The following MACC1 variants were observed in gnomAD, a reference collection of about 807,000 sequenced individuals.
MACC1 encodes metastasis-associated in colon cancer protein 1.
Under a neutral mutation model 70.7 loss-of-function variants are expected in MACC1, and 79 were observed. The observed-to-expected ratio is 1.12, with a 90% CI of 0.93 to 1.35. The LOEUF (loss-of-function observed/expected upper bound fraction) is 1.35. Among genes scored for constraint, MACC1 ranks in the 40% most tolerant of loss-of-function variants. The pLI is 0.00. For synonymous variants in MACC1, 361 were observed against 347.2 expected (o/e 1.04, Z -0.44); for missense variants, 1,106 against 978.1 (o/e 1.13, Z -1.74).
At chr7:20,209,367 T>C (rs1188975864) in intron 1 of MACC1, among the ~76,000 whole-genome samples, 2 of 152,224 alleles carry the variant, frequency 1.3e-5, no homozygotes, top group African/African-American at 4.8e-5. Context: ...CCCAAGGCCA[T>C]AGGAGCCCAC....
chr7:20,173,159 AG>A (rs377263163), intron 1 of MACC1, among the ~76,000 whole-genome samples: 37 of 152,360 alleles, frequency 2.4e-4, no homozygotes, highest in African/African-American at 8.4e-4. Context: ...TTTTATAAAA[AG>A]TTTCTGGGAG....
chr7:20,167,418 A>T (rs922926136), intron 2 of MACC1, among the ~76,000 whole-genome samples: 2 of 151,352 alleles, frequency 1.3e-5, no homozygotes, highest in African/African-American at 4.9e-5. Context: ...CTGGTCTCGA[A>T]CTCCTGAGCT....
intron 6 of MACC1, among the ~76,000 whole-genome samples, chr7:20,141,510 C>T (rs924546027): frequency 1.5e-4 from 23 of 151,582 alleles, no homozygotes; most frequent in Non-Finnish European, 2.9e-4. Context: ...ATTTGAGAGA[C>T]TTTTAGAGTT....
intron 1 of MACC1, among the ~76,000 whole-genome samples, chr7:20,209,015 G>C (rs1307723042): frequency 1.3e-5 from 2 of 152,248 alleles, no homozygotes; most frequent in Non-Finnish European, 2.9e-5. Context: ...CAGGTGGGCA[G>C]AGGTCAAGAA....
At chr7:20,165,831 T>C (rs1199892358) in intron 2 of MACC1, among the ~76,000 whole-genome samples, 1 of 152,218 alleles carries the variant, frequency 6.6e-6, no homozygotes, top group Admixed American at 6.5e-5. Context: ...TATGCTGATT[T>C]TGCATGATCC....
intron 6 of MACC1, among the ~76,000 whole-genome samples, chr7:20,142,243 C>T (rs959059016): frequency 2.0e-5 from 3 of 152,278 alleles, no homozygotes; most frequent in Non-Finnish European, 4.4e-5. Context: ...CCAATATCCT[C>T]ATATAGTCTA....
At chr7:20,192,835 T>C (rs1352684892) in intron 1 of MACC1, among the ~76,000 whole-genome samples, 1 of 152,166 alleles carries the variant, frequency 6.6e-6, no homozygotes, top group African/African-American at 2.4e-5. Context: ...ACGGTACTCA[T>C]GAAGATTCAG....
intron 1 of MACC1, among the ~76,000 whole-genome samples, chr7:20,210,086 G>A (rs962991337): frequency 1.3e-5 from 2 of 151,998 alleles, no homozygotes; most frequent in African/African-American, 4.8e-5. Flanking sequence ...CCCAGTCTTG[G>A]GTATTTCTTC....
chr7:20,162,518 T>C (rs1259998388), intron 3 of MACC1, among the ~76,000 whole-genome samples: 1 of 152,168 alleles, frequency 6.6e-6, no homozygotes, highest in Non-Finnish European at 1.5e-5. Context: ...GTAACTGCAC[T>C]ACCTATCAGA....
chr7:20,179,922 T>A (rs1184679408), intron 1 of MACC1, among the ~76,000 whole-genome samples: 1 of 152,202 alleles, frequency 6.6e-6, no homozygotes, highest in Non-Finnish European at 1.5e-5. Context: ...CTGCTCCAAT[T>A]CTGCTCTATG....
intron 6 of MACC1, among the ~76,000 whole-genome samples, chr7:20,152,519 T>A (rs886775347): frequency 6.6e-5 from 10 of 152,204 alleles, no homozygotes; most frequent in Admixed American, 6.5e-4. Context: ...CTCAGGCCAA[T>A]ATACTGTGGA....
Position 20,160,236 on chromosome 7 carries a change from T to A in MACC1, c.125A>T (p.Asp42Val), listed in dbSNP as rs372103386. Residue 42 changes from aspartate (D) to valine (V), a missense_variant, in exon 5 of 7, where the codon GAC becomes GTC. Asp to Val is a radical substitution (Grantham distance 152, BLOSUM62 -3). Transcript: ENST00000400331. ...CGGCCAATTGTGAAGCAAGTCTGGG[T>A]CCTGGCATTCTTGTTATTTAAGGAA... ...SKSCNITECQ[D>V]PDLLHNWPDA... 6.4e-7 allele frequency: 1 copy of A among 1,551,554 alleles called. No homozygotes were observed. The highest frequency in any genetic ancestry group is 8.7e-7 in the Non-Finnish European group (1 of 1,155,758).
chr7:20,197,373 C>A (rs749056461), intron 1 of MACC1, among the ~76,000 whole-genome samples: 3 of 152,262 alleles, frequency 2.0e-5, no homozygotes, highest in Non-Finnish European at 4.4e-5. Flanking sequence ...TATTGGATAC[C>A]AATTTCTTGA....
At chr7:20,152,671 T>C (rs1348355755) in intron 6 of MACC1, among the ~76,000 whole-genome samples, 1 of 152,184 alleles carries the variant, frequency 6.6e-6, no homozygotes, top group African/African-American at 2.4e-5. Flanking sequence ...GACTTAGTCA[T>C]TTATGATTTG....
chr7:20,146,483 T>A (rs1334058551), intron 6 of MACC1, among the ~76,000 whole-genome samples: 7 of 152,208 alleles, frequency 4.6e-5, no homozygotes, highest in East Asian at 1.9e-4. Flanking sequence ...CTAAATTTTT[T>A]AATAAATTAC....
At chr7:20,176,695 A>G (rs1350407942) in intron 1 of MACC1, among the ~76,000 whole-genome samples, 1 of 152,172 alleles carries the variant, frequency 6.6e-6, no homozygotes, top group Non-Finnish European at 1.5e-5. Context: ...CAGTGAGTAA[A>G]TGATTTAAAG....
At chr7:20,183,384 A>AT (rs2128106117) in intron 1 of MACC1, among the ~76,000 whole-genome samples, 1 of 152,250 alleles carries the variant, frequency 6.6e-6, no homozygotes, top group Admixed American at 6.5e-5. Context: ...TTAGAAGCAG[A>AT]TTTTTCCCCA....
rs191710818 is a variant in MACC1, at chr7:20,136,710, T to C, written c.*4236A>G. 1 of 152,116 alleles carries C rather than the reference T, an allele frequency of 6.6e-6. No homozygotes were observed. Among genetic ancestry groups the C allele is most frequent in the East Asian group, 1.9e-4 (1 of 5,176 alleles). The allele number at this position is 152,116 out of a possible 1,614,324, so 9.4% of individuals were successfully genotyped here. A position where few individuals can be genotyped will look rare whatever the true frequency, so the allele number is the denominator to read the frequency against. On this transcript the variant is annotated 3_prime_UTR_variant, in exon 7 of 7. Coordinates refer to ENST00000400331, the MANE Select transcript of MACC1 (RefSeq NM_182762.4). ...ATATTGATGTTCTTTAGAACTTCAC[T>C]CTCACTAAACCATACAGCAGCATGT...
rs138167629 is a variant in MACC1 at position 20,209,111 on chromosome 7, G to T, written c.-218+8188C>A. The stretch of plus-strand genomic sequence containing the variant: ...GGCAGAAGTTTGCTACAGGGATGGG[G>T]CCCTCATAGAGAACCTCTACTAGGG... On this transcript the variant is annotated intron_variant, in intron 1 of 6. Coordinates refer to ENST00000400331, the MANE Select transcript of MACC1 (RefSeq NM_182762.4). 8.6e-3 allele frequency among the ~76,000 whole-genome samples: 1,310 copies of T among 152,326 alleles called. 25 individuals are homozygous for T. Among genetic ancestry groups the T allele is most frequent in the African/African-American group, 0.03 (1,240 of 41,572 alleles).
Sources: allele counts gnomAD v4.1 joint callset (sites outside exome capture counted in the v4.1 genomes callset), GRCh38; gene constraint gnomAD v4.1.1; transcripts MANE v1.5; gene names NCBI Gene and HGNC (gene_info 2026-07-23, HGNC 2026-07-21).